LEKR1: variants seen among roughly 807,000 people sequenced by gnomAD.
LEKR1 encodes protein LEKR1.
Under a neutral mutation model 72.4 loss-of-function variants are expected in LEKR1, and 59 were observed. The ratio of observed to expected loss-of-function variants is 0.82; its 90% confidence interval spans 0.66 to 1.01. LEKR1 has a LOEUF of 1.01. LEKR1 is among the 50% of genes least tolerant of loss of function. LEKR1 has a pLI of 0.00. For missense variants in LEKR1, 728 were observed against 759.2 expected, an observed-to-expected ratio of 0.96 and a Z score of 0.48; for synonymous variants, 257 against 263.2, an observed-to-expected ratio of 0.98 and a Z score of 0.23.
At chr3:156,830,757 C>T (rs1712277036) in intron 2 of LEKR1, among the ~76,000 whole-genome samples, 1 of 151,950 alleles carries the variant, frequency 6.6e-6, no homozygotes, top group African/African-American at 2.4e-5. Context: ...TATATGGCAA[C>T]TTAAAAGGTG....
chr3:157,005,077 C>T (rs1018091684), intron 9 of LEKR1, among the ~76,000 whole-genome samples: 2 of 152,004 alleles, frequency 1.3e-5, no homozygotes, highest in Non-Finnish European at 2.9e-5. Context: ...TCAGAAATTA[C>T]TAATATCAGA....
intron 6 of LEKR1, chr3:156,977,560 A>G (rs1729805268): frequency 2.9e-6 from 1 of 346,140 alleles, no homozygotes; most frequent in Non-Finnish European, 5.7e-6. Flanking sequence ...ACTCAAAGGA[A>G]GCAGAGGATA....
chr3:156,969,115 A>G (rs1228756842), intron 6 of LEKR1, among the ~76,000 whole-genome samples: 6 of 152,326 alleles, frequency 3.9e-5, no homozygotes, highest in African/African-American at 1.4e-4. Flanking sequence ...TCTCTGGGAC[A>G]CATTCAAAGC....
At chr3:156,951,473 A>T (rs914558779) in intron 6 of LEKR1, among the ~76,000 whole-genome samples, 1 of 151,542 alleles carries the variant, frequency 6.6e-6, no homozygotes, top group Non-Finnish European at 1.5e-5. Flanking sequence ...TTCAGCTGTG[A>T]ATCCATCAGC....
intron 2 of LEKR1, 150 bp downstream of exon 2, chr3:156,829,527 G>T: frequency 1.8e-6 from 1 of 550,612 alleles, no homozygotes; most frequent in Non-Finnish European, 3.2e-6. Context: ...ATCATAATGA[G>T]CAGAATTGTA....
chr3:156,907,275 A>G (rs1722618631), intron 3 of LEKR1, among the ~76,000 whole-genome samples: 1 of 152,126 alleles, frequency 6.6e-6, no homozygotes, highest in Non-Finnish European at 1.5e-5. Context: ...TTAAAGACAT[A>G]TATGTACATA....
chr3:157,044,159 C>T (rs1019966546), intron 12 of LEKR1, among the ~76,000 whole-genome samples: 12 of 152,210 alleles, frequency 7.9e-5, no homozygotes, highest in African/African-American at 2.7e-4. Flanking sequence ...AATGCCTTGG[C>T]TGTTTTTACA....
chr3:156,938,542 A>G (rs1413959324), intron 5 of LEKR1, among the ~76,000 whole-genome samples: 4 of 151,972 alleles, frequency 2.6e-5, no homozygotes, highest in Non-Finnish European at 5.9e-5. Flanking sequence ...ACCCTCGGCT[A>G]ATTTTTGTAT....
chr3:156,938,362 T>G (rs1725906133), intron 5 of LEKR1, among the ~76,000 whole-genome samples: 1 of 152,098 alleles, frequency 6.6e-6, no homozygotes, highest in South Asian at 2.1e-4. Context: ...AATAAAAAGT[T>G]TTTATGTTTT....
At chr3:156,866,008 T>G (rs1269669817) in intron 3 of LEKR1, among the ~76,000 whole-genome samples, 1 of 152,108 alleles carries the variant, frequency 6.6e-6, no homozygotes, top group African/African-American at 2.4e-5. Context: ...GTTTAATGTT[T>G]GCATTCCTGG....
intron 3 of LEKR1, among the ~76,000 whole-genome samples, chr3:156,881,507 A>G (rs1308781879): frequency 1.3e-5 from 2 of 152,052 alleles, no homozygotes; most frequent in Admixed American, 1.3e-4. Flanking sequence ...AAGAGGATAC[A>G]AACAAATGGA....
intron 6 of LEKR1, 43 bp from the exon 7 acceptor site, chr3:156,979,151 C>T (rs761667481): frequency 4.5e-6 from 4 of 887,512 alleles, no homozygotes; most frequent in Non-Finnish European, 3.2e-6. Context: ...TATCTGGACA[C>T]TTAAAATGTA....
intron 4 of LEKR1, among the ~76,000 whole-genome samples, chr3:156,922,370 T>A (rs913491287): frequency 6.6e-6 from 1 of 151,982 alleles, no homozygotes; most frequent in Admixed American, 6.6e-5. Context: ...GCTTATAATC[T>A]TCTGTCTTGA....
At chr3:157,016,139 C>G (rs1175803822) in intron 10 of LEKR1, among the ~76,000 whole-genome samples, 1 of 151,758 alleles carries the variant, frequency 6.6e-6, no homozygotes. Flanking sequence ...TCCTGAAGGA[C>G]AAGAGACAGA....
At chr3:156,881,941 T>C (rs1488937358) in intron 3 of LEKR1, among the ~76,000 whole-genome samples, 1 of 149,066 alleles carries the variant, frequency 6.7e-6, no homozygotes, top group Non-Finnish European at 1.5e-5. Flanking sequence ...GAAAACTGGC[T>C]AGCCATATGT....
chr3:157,001,199 T>C (rs1216580142), intron 9 of LEKR1, among the ~76,000 whole-genome samples: 1 of 152,246 alleles, frequency 6.6e-6, no homozygotes, highest in African/African-American at 2.4e-5. Context: ...TATGAAATGT[T>C]CTAAGTAATA....
intron 2 of LEKR1, among the ~76,000 whole-genome samples, chr3:156,844,986 A>G (rs1463140719): frequency 2.0e-5 from 3 of 150,230 alleles, no homozygotes; most frequent in Admixed American, 6.7e-5. Flanking sequence ...CCTGCAGTAT[A>G]TGAGTGATCC....
intron 12 of LEKR1, among the ~76,000 whole-genome samples, chr3:157,034,803 C>CT (rs1172262595): frequency 4.0e-5 from 6 of 151,394 alleles, no homozygotes; most frequent in Admixed American, 3.3e-4. Flanking sequence ...TCATTGTTGT[C>CT]TTTTTTTTTA....
At chr3:156,877,162 A>G (rs1223484793) in intron 3 of LEKR1, among the ~76,000 whole-genome samples, 1 of 152,164 alleles carries the variant, frequency 6.6e-6, no homozygotes, top group Non-Finnish European at 1.5e-5. Flanking sequence ...CTGATATGAA[A>G]CCTAATTGAT....
Sources: gnomAD v4.1 joint callset for allele counts (sites outside exome capture counted in the v4.1 genomes callset) on GRCh38, gnomAD v4.1.1 for gene constraint, MANE v1.5 for transcripts, NCBI Gene and HGNC (gene_info 2026-07-23, HGNC 2026-07-21) for gene names.